The following ZZEF1 variants were observed in gnomAD, a reference collection of about 807,000 sequenced individuals.
The protein encoded by ZZEF1 is zinc finger ZZ-type and EF-hand domain containing 1.
Under a neutral mutation model 342.8 loss-of-function variants are expected in ZZEF1, and 157 were observed. The observed-to-expected ratio is 0.46, with a 90% confidence interval of 0.40 to 0.52. ZZEF1 has a LOEUF of 0.52. ZZEF1 is among the 20% of genes least tolerant of loss of function. The pLI is 0.00. For synonymous variants in ZZEF1, 1,505 were observed against 1,429.1 expected, an observed-to-expected ratio of 1.05 and a Z score of -1.20; for missense variants, 3,480 against 3,725.6, an observed-to-expected ratio of 0.93 and a Z score of 1.72.
chr17:4,044,386 A>G lies in ZZEF1; in HGVS notation c.6016-12T>C, dbSNP rs577330388. 19 of 1,599,928 alleles carry G rather than the reference A, an allele frequency of 1.2e-5. No individual in the cohort carries two copies. The highest frequency in any genetic ancestry group is 4.5e-5 in the East Asian group (2 of 44,710). On this transcript the variant is annotated splice_polypyrimidine_tract_variant and intron_variant, in intron 37 of 54. Transcript: ENST00000381638. Reference sequence around the variant, plus strand: ...ACAGCTCTCTTTCCCTAAAAAAACAAAAGTGTAAAAGAATTAAGGTTTCTT... The same window carrying G: ...ACAGCTCTCTTTCCCTAAAAAAACAGAAGTGTAAAAGAATTAAGGTTTCTT...
intron 1 of ZZEF1, among the ~76,000 whole-genome samples, chr17:4,128,378 G>A (rs2058608179): frequency 2.0e-5 from 3 of 147,330 alleles, no homozygotes; most frequent in Admixed American, 2.0e-4. Flanking sequence ...AAGACAACTA[G>A]GAGAAAAGAC....
chr17:4,064,990 C>T (rs989038650), intron 28 of ZZEF1, among the ~76,000 whole-genome samples, 161 bp from the exon 29 acceptor site: 10 of 151,870 alleles, frequency 6.6e-5, no homozygotes, highest in African/African-American at 2.4e-4. Flanking sequence ...AACAAACCGG[C>T]ACGTTGTGCA....
intron 2 of ZZEF1, among the ~76,000 whole-genome samples, chr17:4,121,357 C>T (rs2058480087): frequency 6.6e-6 from 1 of 152,234 alleles, no homozygotes; most frequent in Admixed American, 6.5e-5. Context: ...GGTGCAGTGG[C>T]TCACGCCTGT....
chr17:4,019,646 A>C, intron 46 of ZZEF1, 23 bp downstream of exon 46: 1 of 1,600,006 alleles, frequency 6.2e-7, no homozygotes, highest in Non-Finnish European at 8.5e-7. Flanking sequence ...GCCACACTTC[A>C]GCTGCACGGA....
chr17:4,096,510 C>A, intron 10 of ZZEF1, 99 bp downstream of exon 10: 1 of 988,902 alleles, frequency 1.0e-6, no homozygotes. Context: ...TGTATCAAAA[C>A]ACCTCATGTA....
chr17:4,019,257 TAA>T (rs2056200491), intron 46 of ZZEF1, among the ~76,000 whole-genome samples: 1 of 152,062 alleles, frequency 6.6e-6, no homozygotes, highest in African/African-American at 2.4e-5. Context: ...CTACGCAAAT[TAA>T]AAAGTTGGGC....
Position 4,123,923 on chromosome 17 carries a change from G to T in ZZEF1, c.483C>A (p.Ala161=). The change falls in exon 2 of 55, where the codon GCC becomes GCA. Residue 161 remains alanine, a synonymous_variant. Coordinates refer to ENST00000381638, the MANE Select transcript of ZZEF1 (RefSeq NM_015113.4). ...ELSHIIRQLQ[A]CSLVPGFTDI... is the part of the protein sequence containing the mutation. ...AAGCCTCACCTGGAACCAGAGAGCA[G>T]GCCTGTAGTTGTCTGATGATGTGGC... 6.2e-7 allele frequency: 1 copy of T among 1,613,948 alleles called. No homozygotes were observed. Among genetic ancestry groups the T allele is most frequent in the Non-Finnish European group, 8.5e-7 (1 of 1,179,958 alleles).
At position 4,036,811 on chromosome 17, in the gene ZZEF1, ACACACACTCTCT is replaced by A. The variant is rs578048312; in HGVS notation, c.6307-2531_6307-2520del. On this transcript the variant is annotated intron_variant, in intron 39 of 54. Coordinates refer to ENST00000381638, the MANE Select transcript of ZZEF1 (RefSeq NM_015113.4). ...CACACACACACACACACACACACAC[ACACACACTCTCT>A]CTCTCTCTCTCTCTCTCTCTCCCCG... is the stretch of plus-strand genomic sequence containing the variant. Among the ~76,000 whole-genome samples the A allele has an allele frequency of 5.4e-3, 507 of 93,902 alleles. 2 individuals are homozygous for A. The highest frequency in any genetic ancestry group is 0.032 in the African/African-American group (371 of 11,612). 61.6% of individuals were successfully genotyped at this position (93,902 alleles called of 152,430 possible). A position where few individuals can be genotyped will look rare whatever the true frequency, so the allele number is the denominator to read the frequency against.
chr17:4,142,790 C>T lies in ZZEF1; in HGVS notation c.106G>A (p.Gly36Ser). 7.1e-7 allele frequency: 1 copy of T among 1,414,742 alleles called. No homozygotes were observed. Among genetic ancestry groups the T allele is most frequent in the South Asian group, 1.6e-5 (1 of 64,474 alleles). 87.6% of individuals were successfully genotyped at this position (1,414,742 alleles called of 1,614,324 possible). A position where few individuals can be genotyped will look rare whatever the true frequency, so the allele number is the denominator to read the frequency against. ...AGCGCTGGAGCCGCGACGCCCGGGCCGGGGGTCGTGCCCGAGACCGCGGCC... is the reference window on the plus strand; with the variant it reads ...AGCGCTGGAGCCGCGACGCCCGGGCTGGGGGTCGTGCCCGAGACCGCGGCC... ...DWAAVSGTTP[G>S]PGVAAPALPP... is the part of the protein sequence containing the mutation. Residue 36 changes from glycine (G) to serine (S), a missense_variant, in exon 1 of 55, where the codon GGC (glycine) becomes AGC (serine). Coordinates refer to ENST00000381638, the MANE Select transcript of ZZEF1 (RefSeq NM_015113.4).
At chr17:4,089,201 C>G (rs566195921) in intron 12 of ZZEF1, among the ~76,000 whole-genome samples, 1 of 152,302 alleles carries the variant, frequency 6.6e-6, no homozygotes, top group African/African-American at 2.4e-5. Context: ...CTGTGGCAGT[C>G]ATTTTGAAAC....
At chr17:4,101,881 C>T (rs563014446) in intron 9 of ZZEF1, among the ~76,000 whole-genome samples, 46 of 152,126 alleles carry the variant, frequency 3.0e-4, no homozygotes, top group Middle Eastern at 3.4e-3. Context: ...CCTCCCACCT[C>T]GGCCTCCCAA....
intron 32 of ZZEF1, among the ~76,000 whole-genome samples, chr17:4,057,651 T>C (rs1305312010): frequency 6.6e-6 from 1 of 152,150 alleles, no homozygotes; most frequent in Non-Finnish European, 1.5e-5. Context: ...ATCACCAAAA[T>C]GCAGAGGATT....
At chr17:4,132,918 A>T (rs534219215) in intron 1 of ZZEF1, among the ~76,000 whole-genome samples, 1 of 152,106 alleles carries the variant, frequency 6.6e-6, no homozygotes, top group Non-Finnish European at 1.5e-5. Flanking sequence ...GTGAGCTGAG[A>T]TCACGCCACT....
chr17:4,123,409 A>G (rs1444005871), intron 2 of ZZEF1, among the ~76,000 whole-genome samples: 1 of 150,948 alleles, frequency 6.6e-6, no homozygotes, highest in East Asian at 1.9e-4. Context: ...AGGAGGGAAT[A>G]CTGTAATAGC....
chr17:4,091,937 G>A (rs2057950357), intron 11 of ZZEF1, among the ~76,000 whole-genome samples: 3 of 151,672 alleles, frequency 2.0e-5, no homozygotes, highest in South Asian at 2.1e-4. Context: ...TTAGCCAGGC[G>A]TGGTGGTGCA....
In ZZEF1 at chr17:4,005,441, A is replaced by T. The variant is rs1597739224; in HGVS notation, c.*1449T>A. 2 of 151,746 alleles carry T rather than the reference A, an allele frequency of 1.3e-5. No individual in the cohort carries two copies. The highest frequency in any genetic ancestry group is 4.8e-5 in the African/African-American group (2 of 41,256). 9.4% of individuals were successfully genotyped at this position (151,746 alleles called of 1,614,324 possible). ...TGTGTTCCCGTCTCCCTTAAATCCC[A>T]CCCTCCACCCGCCCCGGGATGGTTC... On this transcript the variant is annotated 3_prime_UTR_variant, in exon 55 of 55. Transcript: ENST00000381638.
intron 44 of ZZEF1, chr17:4,022,476 T>C: frequency 4.3e-6 from 2 of 465,638 alleles, no homozygotes; most frequent in Non-Finnish European, 7.7e-6. Flanking sequence ...TTCCATAAAA[T>C]GCTTCTCTTC....
chr17:4,055,956 C>T lies in ZZEF1; in HGVS notation c.5295+260G>A, dbSNP rs557482553. Among the ~76,000 whole-genome samples the T allele has an allele frequency of 9.8e-5, 15 of 152,320 alleles. No homozygotes were observed. The East Asian group carries it at 1.9e-3, about 20-fold the overall frequency. On this transcript the variant is annotated intron_variant, in intron 33 of 54. Transcript: ENST00000381638. ...GCACAAACTAGATGCCTCGCATGCG[C>T]GGTTTATTGTGGGCTCATGCTCCCG...
intron 44 of ZZEF1, 141 bp downstream of exon 44, chr17:4,022,568 T>C (rs1162678015): frequency 3.4e-6 from 4 of 1,171,992 alleles, no homozygotes; most frequent in South Asian, 1.4e-5. Context: ...CAACAGGGAA[T>C]ACAGAAGCAA....
Sources: allele counts gnomAD v4.1 joint callset (sites outside exome capture counted in the v4.1 genomes callset), GRCh38; gene constraint gnomAD v4.1.1; transcripts MANE v1.5; gene names NCBI Gene and HGNC (gene_info 2026-07-23, HGNC 2026-07-21).